The following TNFSF4 variants were observed in gnomAD, a reference collection of about 807,000 sequenced individuals.
The protein encoded by TNFSF4 is tumor necrosis factor ligand superfamily member 4.
TNFSF4 carries 4 observed loss-of-function variants against 7.3 expected under a neutral mutation model. The ratio of observed to expected loss-of-function variants is 0.55; its 90% CI spans 0.27 to 1.25. The LOEUF is 1.25. Among genes scored for constraint, TNFSF4 ranks in the 50% most tolerant of loss-of-function variants. The pLI, the probability that TNFSF4 is intolerant of heterozygous loss-of-function variation, is 0.12. For missense variants in TNFSF4, 181 were observed against 208.8 expected (o/e 0.87, Z 0.82); for synonymous variants, 76 against 83.7 (o/e 0.91, Z 0.50).
the TNFSF4 span, among the ~76,000 whole-genome samples, chr1:173,238,131 A>G: frequency 6.6e-6 from 1 of 152,208 alleles, no homozygotes; most frequent in African/African-American, 2.4e-5. Context: ...GATCTTTGAC[A>G]AAGGTGACAA....
chr1:173,252,216 G>C, the TNFSF4 span, among the ~76,000 whole-genome samples: 97 of 152,032 alleles, frequency 6.4e-4, 1 homozygote, highest in Non-Finnish European at 1.0e-3. Context: ...TCTCATGATA[G>C]AAAGAAAAAT....
the TNFSF4 span, among the ~76,000 whole-genome samples, chr1:173,227,677 CCTTTCCTACCCA>C: frequency 4.6e-5 from 7 of 152,336 alleles, no homozygotes; most frequent in South Asian, 1.4e-3. Context: ...CAGGGAATTT[CCTTTCCTACCCA>C]AGGGAAGCTG....
chr1:173,199,112 A>T (rs1222484996), intron 1 of TNFSF4, among the ~76,000 whole-genome samples: 1 of 152,196 alleles, frequency 6.6e-6, no homozygotes, highest in Non-Finnish European at 1.5e-5. Flanking sequence ...AGTGCTTATC[A>T]TACGCTATTG....
In TNFSF4 at chr1:173,197,918, G is replaced by A. The variant is rs897846283; in HGVS notation, c.153+9106C>T. Among the ~76,000 whole-genome samples the A allele has an allele frequency of 9.9e-5, 15 of 152,232 alleles. No individual in the cohort carries two copies. In the South Asian group the frequency reaches 1.5e-3, roughly 15 times the overall value. ...TAGTTTTGGATTCTAAATTCCAAAC[G>A]TTGATCTGTCTATTCTTATGCCAGT... is the stretch of plus-strand genomic sequence containing the variant. On this transcript the variant is annotated intron_variant, in intron 1 of 2. Coordinates refer to ENST00000281834, the MANE Select transcript of TNFSF4 (RefSeq NM_003326.5).
chr1:173,271,223 T>C, the TNFSF4 span, among the ~76,000 whole-genome samples: 1 of 152,192 alleles, frequency 6.6e-6, no homozygotes, highest in East Asian at 1.9e-4. Flanking sequence ...TTCTTGCCCA[T>C]GCCTATGTCC....
chr1:173,352,511 T>C, the TNFSF4 span, among the ~76,000 whole-genome samples: 1 of 152,190 alleles, frequency 6.6e-6, no homozygotes, highest in Admixed American at 6.5e-5. Flanking sequence ...CCCTGAGCTG[T>C]AAAACCAGCA....
chr1:173,326,940 GC>G, the TNFSF4 span, among the ~76,000 whole-genome samples: 1 of 152,140 alleles, frequency 6.6e-6, no homozygotes, highest in African/African-American at 2.4e-5. Flanking sequence ...TGGCCATACT[GC>G]CCAAGGTAAT....
At chr1:173,394,939 TAGATAGACAGAC>T in the TNFSF4 span, among the ~76,000 whole-genome samples, 1 of 149,758 alleles carries the variant, frequency 6.7e-6, no homozygotes, top group African/African-American at 2.5e-5. Flanking sequence ...GATAGATAGA[TAGATAGACAGAC>T]AGACAGACAG....
chr1:173,307,657 T>TAAAG, the TNFSF4 span, among the ~76,000 whole-genome samples: 5 of 151,984 alleles, frequency 3.3e-5, no homozygotes, highest in East Asian at 9.7e-4. Flanking sequence ...CATGAAATAC[T>TAAAG]AAAGTATTTA....
At chr1:173,366,983 G>T in the TNFSF4 span, among the ~76,000 whole-genome samples, 5 of 152,160 alleles carry the variant, frequency 3.3e-5, no homozygotes, top group Non-Finnish European at 7.3e-5. Flanking sequence ...CTAAGCCCCT[G>T]GGAGGGGCCC....
At chr1:173,179,342 A>G (rs1401112881), downstream of TNFSF4, among the ~76,000 whole-genome samples, 1 of 152,176 alleles carries the variant, frequency 6.6e-6, no homozygotes, top group African/African-American at 2.4e-5. Context: ...TCCAAACTTT[A>G]GAGTAGAAAA....
chr1:173,295,849 T>C, the TNFSF4 span, among the ~76,000 whole-genome samples: 1 of 152,060 alleles, frequency 6.6e-6, no homozygotes, highest in Non-Finnish European at 1.5e-5. Flanking sequence ...ATAAATTTGA[T>C]GTTTGTTCCT....
the TNFSF4 span, among the ~76,000 whole-genome samples, chr1:173,218,404 A>C: frequency 2.4e-4 from 36 of 152,220 alleles, no homozygotes; most frequent in East Asian, 6.2e-3. Flanking sequence ...AGCTCAGTAC[A>C]CCATTTCAAG....
the TNFSF4 span, among the ~76,000 whole-genome samples, chr1:173,217,934 G>A: frequency 2.0e-5 from 3 of 151,804 alleles, no homozygotes; most frequent in Non-Finnish European, 2.9e-5. Context: ...TTCTTTGTAG[G>A]GACAGGGTCT....
the TNFSF4 span, among the ~76,000 whole-genome samples, chr1:173,233,665 A>G: frequency 2.6e-5 from 4 of 152,236 alleles, no homozygotes; most frequent in Admixed American, 2.6e-4. Context: ...TTTTATTCAC[A>G]TAAGTTGCAA....
At chr1:173,308,228 TCTTC>T in the TNFSF4 span, among the ~76,000 whole-genome samples, 1 of 151,318 alleles carries the variant, frequency 6.6e-6, no homozygotes, top group Admixed American at 6.6e-5. Flanking sequence ...AACTTTATTC[TCTTC>T]CTTCTCTCTT....
the TNFSF4 span, among the ~76,000 whole-genome samples, chr1:173,395,377 A>AATACATAT: frequency 1.6e-5 from 1 of 63,240 alleles, no homozygotes; most frequent in Non-Finnish European, 2.9e-5. Flanking sequence ...CTGTGTATAT[A>AATACATAT]ATATATATAT....
At chr1:173,387,866 A>G in the TNFSF4 span, among the ~76,000 whole-genome samples, 1 of 152,232 alleles carries the variant, frequency 6.6e-6, no homozygotes, top group South Asian at 2.1e-4. Flanking sequence ...TTATTCTCAC[A>G]CTAAAAAAAT....
At chr1:173,181,703 A>G (rs2101975436), downstream of TNFSF4, among the ~76,000 whole-genome samples, 1 of 152,306 alleles carries the variant, frequency 6.6e-6, no homozygotes, top group South Asian at 2.1e-4. Context: ...AGGGCCTTAC[A>G]TTCCATGACT....
Sources: gnomAD v4.1 joint callset for allele counts (sites outside exome capture counted in the v4.1 genomes callset) on GRCh38, gnomAD v4.1.1 for gene constraint, MANE v1.5 for transcripts, NCBI Gene and HGNC (gene_info 2026-07-23, HGNC 2026-07-21) for gene names.